SGSH: variants seen among roughly 807,000 people sequenced by gnomAD.
SGSH encodes N-sulfoglucosamine sulfohydrolase.
Under a neutral mutation model 51.0 loss-of-function variants are expected in SGSH, and 48 were observed. The ratio of observed to expected loss-of-function variants is 0.94; its 90% CI spans 0.75 to 1.20. The LOEUF is 1.20. SGSH is among the 50% of genes most tolerant of loss of function. SGSH has a pLI of 0.00. For synonymous variants in SGSH, 321 were observed against 313.4 expected, an observed-to-expected ratio of 1.02 and a Z score of -0.26; for missense variants, 662 against 717.8, an observed-to-expected ratio of 0.92 and a Z score of 0.89.
At position 80,209,473 on chromosome 17, in the gene SGSH, C is replaced by T. The variant is rs2041535767; in HGVS notation, c.*979G>A. The T allele has an allele frequency of 9.1e-6, 9 of 985,568 alleles. No individual in the cohort carries two copies. The highest frequency in any genetic ancestry group is 9.6e-6 in the Non-Finnish European group (8 of 830,088). The allele number at this position is 985,568 out of a possible 1,614,324, so 61.1% of individuals were successfully genotyped here. On this transcript the variant is annotated 3_prime_UTR_variant, in exon 8 of 8. Coordinates refer to ENST00000326317, the MANE Select transcript of SGSH (RefSeq NM_000199.5). ...GGTGTCCAGGCCGGGCTTCTGCTCC[C>T]GAGGTGGGTGGAGGCAGGGCAGGAA...
In SGSH at chr17:80,210,971, G is replaced by A; in HGVS notation, c.990C>T (p.Tyr330=). 3 of 1,600,254 alleles carry A rather than the reference G, an allele frequency of 1.9e-6. No individual in the cohort carries two copies. The highest frequency in any genetic ancestry group is 2.5e-6 in the Non-Finnish European group (3 of 1,179,850). ...TCGAGCCAAAGATGGCGTAGCTGGG[G>A]TACGGGATCGAGAACCAATCCAAGA... ...PTILDWFSIP[Y]PSYAIFGSKT... is the part of the protein sequence containing the mutation. The change falls in exon 8 of 8, where the codon TAC becomes TAT. Residue 330 remains tyrosine, a synonymous_variant. Coordinates refer to ENST00000326317, the MANE Select transcript of SGSH (RefSeq NM_000199.5).
downstream of SGSH, chr17:80,208,537 C>T (rs2041481898): frequency 1.9e-6 from 1 of 521,938 alleles, no homozygotes; most frequent in Non-Finnish European, 3.4e-6. Flanking sequence ...CTTGTAACTG[C>T]ACACTTTTCT....
downstream of SGSH, chr17:80,205,928 G>C (rs1389906193): frequency 9.1e-6 from 3 of 329,846 alleles, no homozygotes; most frequent in Non-Finnish European, 1.7e-5. Context: ...ATAAATCCGA[G>C]CTAACAACAC....
Position 80,220,203 on chromosome 17 carries a change from G to T in SGSH, c.88+23C>A, listed in dbSNP as rs77032342. The T allele has an allele frequency of 9.7e-5, 145 of 1,488,982 alleles. No individual in the cohort carries two copies. In the Middle Eastern group the frequency reaches 1.9e-3, roughly 19 times the overall value. 92.2% of individuals were successfully genotyped at this position (1,488,982 alleles called of 1,614,324 possible). A position where few individuals can be genotyped will look rare whatever the true frequency, so the allele number is the denominator to read the frequency against. On this transcript the variant is annotated intron_variant, in intron 1 of 7. Coordinates refer to ENST00000326317, the MANE Select transcript of SGSH (RefSeq NM_000199.5). ...TCCCCGGGCCACCGCAGGTGGGCGT[G>T]GGGGGGCGGCGCCGGCACTCACCGA... is the stretch of plus-strand genomic sequence containing the variant.
chr17:80,219,209 A>G lies in SGSH; in HGVS notation c.88+1017T>C, dbSNP rs965446235. On this transcript the variant is annotated intron_variant, in intron 1 of 7. Transcript: ENST00000326317. ...AAAGGAAAGAAAGGAAAAAGAAAGGAAAAGGAAGTGAGACCACCCCCATCC... is the reference window on the plus strand; with the variant it reads ...AAAGGAAAGAAAGGAAAAAGAAAGGGAAAGGAAGTGAGACCACCCCCATCC... 4.6e-4 allele frequency among the ~76,000 whole-genome samples: 70 copies of G among 151,208 alleles called. 1 individual carries two copies. The highest frequency in any genetic ancestry group is 1.3e-4 in the Non-Finnish European group (9 of 67,828).
chr17:80,205,630 C>G, downstream of SGSH: 1 of 1,467,072 alleles, frequency 6.8e-7, no homozygotes, highest in Non-Finnish European at 9.2e-7. Context: ...ACCCGCCATG[C>G]TGTGGAGTCC....
chr17:80,214,584 AG>A, intron 4 of SGSH, 30 bp downstream of exon 4: 1 of 1,605,462 alleles, frequency 6.2e-7, no homozygotes, highest in Non-Finnish European at 8.5e-7. Context: ...ACCGGCCGCC[AG>A]GGGGAAGGGG....
chr17:80,215,838 A>G (rs2041870845), intron 2 of SGSH, among the ~76,000 whole-genome samples: 1 of 152,144 alleles, frequency 6.6e-6, no homozygotes, highest in African/African-American at 2.4e-5. Context: ...TTAAACACCC[A>G]TGTTCATAGC....
At chr17:80,208,303 C>A (rs554956821), downstream of SGSH, 1 of 1,605,490 alleles carries the variant, frequency 6.2e-7, no homozygotes, top group Non-Finnish European at 8.5e-7. Flanking sequence ...CCATCGCCGA[C>A]GAGCAGAAGA....
intron 1 of SGSH, among the ~76,000 whole-genome samples, chr17:80,219,161 C>CAAA (rs11430982): frequency 9.4e-3 from 505 of 53,696 alleles, no homozygotes; most frequent in Middle Eastern, 0.015. Context: ...CCCTGTCTCA[C>CAAA]AAAAAAAAAA....
downstream of SGSH, chr17:80,202,512 A>G (rs2041039481): frequency 2.6e-6 from 4 of 1,535,096 alleles, no homozygotes; most frequent in Non-Finnish European, 3.5e-6. Context: ...CTGCCCAGCA[A>G]TAGAGGGTGG....
intron 7 of SGSH, 86 bp downstream of exon 7, chr17:80,211,985 T>A (rs952384409): frequency 1.2e-5 from 13 of 1,060,480 alleles, no homozygotes; most frequent in Non-Finnish European, 1.9e-5. Flanking sequence ...CATTAGGTAA[T>A]GGGTGTGGAG....
downstream of SGSH, chr17:80,207,739 C>T: frequency 4.8e-6 from 1 of 210,246 alleles, no homozygotes; most frequent in Non-Finnish European, 9.3e-6. Context: ...AACAAATTGG[C>T]ACTCCCTCCC....
At position 80,212,208 on chromosome 17, in the gene SGSH, G is replaced by A. The variant is rs746776254; in HGVS notation, c.812C>T (p.Thr271Met). 5 of 1,613,256 alleles carry A rather than the reference G, an allele frequency of 3.1e-6. No individual in the cohort carries two copies. Among genetic ancestry groups the A allele is most frequent in the South Asian group, 1.1e-5 (1 of 91,084 alleles). The stretch of plus-strand genomic sequence containing the variant: ...GGGGAAGGGGATCCCGTTGTCGGAC[G>A]TGAAGATCACCAGTGTGTCGTTCAG... ...GVLNDTLVIF[T>M]SDNGIPFPSG... The change falls in exon 7 of 8, where the codon ACG becomes ATG. Residue 271 changes from threonine (T) to methionine (M), a missense_variant. Thr to Met is a moderately conservative substitution (Grantham distance 81). Coordinates refer to ENST00000326317, the MANE Select transcript of SGSH (RefSeq NM_000199.5). This position sits in a 1 kb window ranked among gnomAD's most constrained non-coding sequence, Gnocchi z 5.9.
intron 2 of SGSH, among the ~76,000 whole-genome samples, chr17:80,215,354 A>C (rs952223824): frequency 6.6e-6 from 1 of 152,220 alleles, no homozygotes; most frequent in Non-Finnish European, 1.5e-5. Flanking sequence ...GCCAGAAAGA[A>C]GGGGACCTGC....
At chr17:80,205,645 T>C (rs773869052), downstream of SGSH, 8 of 1,543,590 alleles carry the variant, frequency 5.2e-6, no homozygotes, top group Admixed American at 1.9e-5. Flanking sequence ...GAGTCCCTCA[T>C]GGAAAAGGTG....
intron 1 of SGSH, 43 bp downstream of exon 1, chr17:80,220,183 G>A (rs1269299724): frequency 7.0e-7 from 1 of 1,438,624 alleles, no homozygotes; most frequent in Non-Finnish European, 9.3e-7. Context: ...CCACTTCCCC[G>A]GGCCACCGCA....
downstream of SGSH, among the ~76,000 whole-genome samples, chr17:80,206,144 A>G (rs187069190): frequency 1.2e-4 from 19 of 152,240 alleles, no homozygotes; most frequent in East Asian, 2.1e-3. Context: ...AACTCTTAAT[A>G]CTGCATAGCA....
intron 2 of SGSH, among the ~76,000 whole-genome samples, chr17:80,215,339 A>G (rs2041850592): frequency 6.6e-6 from 1 of 152,170 alleles, no homozygotes; most frequent in South Asian, 2.1e-4. Context: ...TGAAAGGAGG[A>G]CTTCGCCAGA....
Sources: allele counts gnomAD v4.1 joint callset (sites outside exome capture counted in the v4.1 genomes callset), GRCh38; gene constraint gnomAD v4.1.1; non-coding constraint Gnocchi (gnomAD v3.1); transcripts MANE v1.5; gene names NCBI Gene and HGNC (gene_info 2026-07-23, HGNC 2026-07-21).